Variants in KIR2DL1 observed in about 807,000 individuals in gnomAD.
The protein encoded by KIR2DL1 is killer cell immunoglobulin like receptor, two Ig domains and long cytoplasmic tail 1.
Under a neutral mutation model 33.9 loss-of-function variants are expected in KIR2DL1, and 38 were observed. That is an observed-to-expected ratio of 1.12 (90% CI 0.86 to 1.47). KIR2DL1 has a LOEUF of 1.47. KIR2DL1 is among the 40% of genes most tolerant of loss of function. The pLI is 0.00. For synonymous variants in KIR2DL1, 179 were observed against 165.9 expected (o/e 1.08, Z -0.61); for missense variants, 531 against 433.9 (o/e 1.22, Z -1.99).
intron 3 of KIR2DL1, among the ~76,000 whole-genome samples, chr19:54,774,544 G>T (rs1455435098): frequency 2.0e-5 from 3 of 148,266 alleles, no homozygotes; most frequent in Non-Finnish European, 4.5e-5. Context: ...ATAGGTAGAT[G>T]ATAGATAATA....
chr19:54,770,802 C>G lies in KIR2DL1; in HGVS notation c.35-47C>G, dbSNP rs747016101. ...AGCCCAGTGGGGGCAGCAAGGGTGC[C>G]CTGGTTTGCCTGCAGATGGGTCATC... On this transcript the variant is annotated intron_variant, in intron 1 of 7. Transcript: ENST00000336077. 3.2e-5 allele frequency: 51 copies of G among 1,578,722 alleles called. 6 individuals are homozygous for G. The highest frequency in any genetic ancestry group is 3.8e-5 in the Non-Finnish European group (44 of 1,151,994).
chr19:54,776,285 C>T (rs2147508705), intron 4 of KIR2DL1, among the ~76,000 whole-genome samples: 1 of 147,466 alleles, frequency 6.8e-6, no homozygotes, highest in East Asian at 1.9e-4. Context: ...CCTTTTCTTC[C>T]TGTCCTCCAG....
At chr19:54,779,831 G>A (rs2076758059) in intron 5 of KIR2DL1, among the ~76,000 whole-genome samples, 1 of 141,672 alleles carries the variant, frequency 7.1e-6, no homozygotes, top group Non-Finnish European at 1.6e-5. Flanking sequence ...GGCAGAAAAT[G>A]AACGCACAAG....
At chr19:54,774,702 A>G (rs1226513730) in intron 3 of KIR2DL1, among the ~76,000 whole-genome samples, 1 of 148,202 alleles carries the variant, frequency 6.7e-6, no homozygotes, top group African/African-American at 2.5e-5. Flanking sequence ...ATACATAGAT[A>G]TAGATAATAG....
chr19:54,770,923 CA>C (rs2075641295), intron 2 of KIR2DL1, 39 bp downstream of exon 2: 7 of 1,576,174 alleles, frequency 4.4e-6, no homozygotes, highest in Admixed American at 1.7e-5. Flanking sequence ...CATCTCCCCA[CA>C]TAAGAGGATT....
Position 54,776,742 on chromosome 19 carries a change from A to G in KIR2DL1, c.664+1284A>G, listed in dbSNP as rs1191160863. 6.2e-5 allele frequency among the ~76,000 whole-genome samples: 9 copies of G among 145,426 alleles called. No homozygotes were observed. In the South Asian group the frequency reaches 2.0e-3, roughly 32 times the overall value. ...TGCAACCTCCGCCTCCTGGGTTCAA[A>G]TGATTTTCCTGCCTCAGCCTCCCTA... On this transcript the variant is annotated intron_variant, in intron 4 of 7. Transcript: ENST00000336077.
In KIR2DL1 at chr19:54,773,333, G is replaced by A. The variant is rs1262829901; in HGVS notation, c.71G>A (p.Gly24Glu). The A allele has an allele frequency of 2.2e-4, 355 of 1,597,324 alleles. 1 individual carries two copies. The Middle Eastern group carries it at 4.4e-3, about 20-fold the overall frequency. Residue 24 changes from glycine (G) to glutamate (E), a missense_variant and splice_region_variant, in exon 3 of 8, where the codon GGA (glycine) becomes GAA (glutamate). Coordinates refer to ENST00000336077, the MANE Select transcript of KIR2DL1 (RefSeq NM_014218.3). The part of the protein sequence containing the change: ...FLLQGAWPHE[G>E]VHRKPSLLAH... ...CTAAACTCACAACCTCTCTTCCTAGGAGTCCACAGAAAACCTTCCCTCCTG... is the reference window on the plus strand; with the variant it reads ...CTAAACTCACAACCTCTCTTCCTAGAAGTCCACAGAAAACCTTCCCTCCTG...
chr19:54,776,940 C>T (rs901771997), intron 4 of KIR2DL1, among the ~76,000 whole-genome samples: 2 of 149,218 alleles, frequency 1.3e-5, no homozygotes, highest in African/African-American at 2.5e-5. Flanking sequence ...CCTCACCCAA[C>T]CTCTTTTTAG....
chr19:54,774,539 T>C (rs1376650766), intron 3 of KIR2DL1, among the ~76,000 whole-genome samples: 34 of 147,764 alleles, frequency 2.3e-4, no homozygotes, highest in Admixed American at 6.2e-4. Flanking sequence ...GATAAATAGG[T>C]AGATGATAGA....
intron 4 of KIR2DL1, 151 bp downstream of exon 4, chr19:54,775,609 G>C: frequency 2.6e-6 from 3 of 1,154,828 alleles, no homozygotes; most frequent in Non-Finnish European, 3.7e-6. Flanking sequence ...ATGGCCGACA[G>C]GGCACCTCCA....
At chr19:54,772,779 G>C (rs376160617) in intron 2 of KIR2DL1, among the ~76,000 whole-genome samples, 2 of 137,258 alleles carry the variant, frequency 1.5e-5, no homozygotes, top group African/African-American at 2.7e-5. Context: ...AGGCTCAGAT[G>C]ATGATGCCAC....
chr19:54,782,096 C>G (rs12610317), intron 5 of KIR2DL1, among the ~76,000 whole-genome samples: 28,404 of 150,484 alleles, frequency 0.19, 3,507 homozygotes, highest in Non-Finnish European at 0.26. Flanking sequence ...CAGAAAAGCT[C>G]CTCGGGACAT....
At position 54,773,083 on chromosome 19, in the gene KIR2DL1, C is replaced by T. The variant is rs1462957561; in HGVS notation, c.71-250C>T. Among the ~76,000 whole-genome samples the T allele has an allele frequency of 2.7e-5, 4 of 148,762 alleles. 1 individual carries two copies. The highest frequency in any genetic ancestry group is 6.8e-5 in the Admixed American group (1 of 14,712). On this transcript the variant is annotated intron_variant, in intron 2 of 7. Coordinates refer to ENST00000336077, the MANE Select transcript of KIR2DL1 (RefSeq NM_014218.3). ...AGACATTAGTTCGAAATAGATACAA[C>T]AGCCCAAGAGATGAGGCTGAGCCCA...
rs1352261275 is a variant in KIR2DL1 at position 54,779,162 on chromosome 19, C to T, written c.715+500C>T. Among the ~76,000 whole-genome samples, 13 of 148,394 alleles carry T rather than the reference C, an allele frequency of 8.8e-5. 1 individual carries two copies. The highest frequency in any genetic ancestry group is 6.4e-4 in the South Asian group (3 of 4,692). ...TTCGACTCACTGACTCATTCAGCCA[C>T]GGCCCCATGCTCAGGCTGTGCAGTG... On this transcript the variant is annotated intron_variant, in intron 5 of 7. Coordinates refer to ENST00000336077, the MANE Select transcript of KIR2DL1 (RefSeq NM_014218.3).
chr19:54,777,240 G>A (rs375117196), intron 4 of KIR2DL1, among the ~76,000 whole-genome samples: 6 of 136,628 alleles, frequency 4.4e-5, no homozygotes, highest in South Asian at 2.4e-4. Context: ...ACAGGCACAC[G>A]CCACCACGCC....
At chr19:54,779,058 T>C (rs2076674946) in intron 5 of KIR2DL1, among the ~76,000 whole-genome samples, 1 of 147,380 alleles carries the variant, frequency 6.8e-6, no homozygotes, top group African/African-American at 2.5e-5. Flanking sequence ...TGAGCTCCTG[T>C]AGGTCATGAA....
intron 3 of KIR2DL1, among the ~76,000 whole-genome samples, chr19:54,774,005 G>A (rs1264323571): frequency 6.7e-6 from 1 of 148,688 alleles, no homozygotes; most frequent in Admixed American, 6.8e-5. Context: ...AGAACCCAAG[G>A]ACACCCATAT....
In KIR2DL1 at chr19:54,775,402, A is replaced by C. The variant is rs666590; in HGVS notation, c.608A>C (p.His203Pro). 1.3e-6 allele frequency: 2 copies of C among 1,562,486 alleles called. No individual in the cohort carries two copies. ...ACCTACAGATGCTTCGGCTCTTTCC[A>C]TGACTCTCCATACGAGTGGTCAAAG... Reference protein sequence around the residue: ...GGTYRCFGSFHDSPYEWSKSS... With the variant: ...GGTYRCFGSFPDSPYEWSKSS... The change falls in exon 4 of 8, where the codon CAT (histidine) becomes CCT (proline). Residue 203 changes from histidine (H) to proline (P), a missense_variant. Coordinates refer to ENST00000336077, the MANE Select transcript of KIR2DL1 (RefSeq NM_014218.3).
chr19:54,771,930 C>T (rs1047047070), intron 2 of KIR2DL1, among the ~76,000 whole-genome samples: 4 of 147,812 alleles, frequency 2.7e-5, no homozygotes, highest in African/African-American at 7.4e-5. Context: ...CCTTGTCCCA[C>T]CTCCTGAATC....
Sources: gnomAD v4.1 joint callset for allele counts (sites outside exome capture counted in the v4.1 genomes callset) on GRCh38, gnomAD v4.1.1 for gene constraint, MANE v1.5 for transcripts, NCBI Gene and HGNC (gene_info 2026-07-23, HGNC 2026-07-21) for gene names.